The following SGCZ variants were observed in gnomAD, a reference collection of about 807,000 sequenced individuals.
SGCZ encodes the protein zeta-sarcoglycan.
SGCZ carries 40 observed loss-of-function variants against 41.3 expected under a neutral mutation model. The ratio of observed to expected loss-of-function variants is 0.97; its 90% CI spans 0.75 to 1.26. SGCZ has a LOEUF of 1.26. Among genes scored for constraint, SGCZ ranks in the 50% most tolerant of loss-of-function variants. SGCZ has a pLI of 0.00. For missense variants in SGCZ, 552 were observed against 369.8 expected, an observed-to-expected ratio of 1.49 and a Z score of -4.04; for synonymous variants, 206 against 137.5, an observed-to-expected ratio of 1.50 and a Z score of -3.49.
At chr8:14,968,965 A>C (rs939903459) in intron 1 of SGCZ, among the ~76,000 whole-genome samples, 1 of 152,154 alleles carries the variant, frequency 6.6e-6, no homozygotes, top group Admixed American at 6.5e-5. Flanking sequence ...AAGTGTAAAA[A>C]AGCATTTTCT....
intron 2 of SGCZ, among the ~76,000 whole-genome samples, chr8:14,530,712 G>A (rs1182857300): frequency 6.6e-6 from 1 of 152,070 alleles, no homozygotes; most frequent in African/African-American, 2.4e-5. Context: ...GCCTGGCACA[G>A]TAGTGCTTGC....
At chr8:15,114,454 T>C (rs1047398883) in intron 1 of SGCZ, among the ~76,000 whole-genome samples, 1 of 152,232 alleles carries the variant, frequency 6.6e-6, no homozygotes, top group African/African-American at 2.4e-5. Context: ...GCATTCTCTC[T>C]TTACAAATGT....
intron 2 of SGCZ, among the ~76,000 whole-genome samples, chr8:14,494,043 A>G (rs1801919806): frequency 6.6e-6 from 1 of 152,204 alleles, no homozygotes; most frequent in Non-Finnish European, 1.5e-5. Context: ...CTACCCATTC[A>G]TCTCTTAAAA....
rs149635517 is a variant in SGCZ, at chr8:14,766,962, A to C, written c.40-212036T>G. Among the ~76,000 whole-genome samples the C allele has an allele frequency of 2.9e-3, 449 of 152,226 alleles. 3 individuals are homozygous for C. Among genetic ancestry groups the C allele is most frequent in the African/African-American group, 9.8e-3 (406 of 41,540 alleles). The stretch of plus-strand genomic sequence containing the variant: ...GTACAGAGAAGCCTAATAGAAACTA[A>C]ATGTTTTGAAAAACATATAAATTCT... On this transcript the variant is annotated intron_variant, in intron 1 of 7. Coordinates refer to ENST00000382080, the MANE Select transcript of SGCZ (RefSeq NM_139167.4).
At chr8:15,083,057 C>CATT (rs1426984945) in intron 1 of SGCZ, among the ~76,000 whole-genome samples, 1 of 152,036 alleles carries the variant, frequency 6.6e-6, no homozygotes, top group African/African-American at 2.4e-5. Context: ...AGCTTATGAA[C>CATT]TAATAGTCGT....
At chr8:14,201,319 G>T (rs773261476) in intron 4 of SGCZ, among the ~76,000 whole-genome samples, 3 of 152,116 alleles carry the variant, frequency 2.0e-5, no homozygotes, top group Non-Finnish European at 4.4e-5. Context: ...AAGCCTGTAT[G>T]CATAAGCTTC....
intron 1 of SGCZ, among the ~76,000 whole-genome samples, chr8:14,989,381 G>T (rs1801931488): frequency 6.6e-6 from 1 of 152,110 alleles, no homozygotes; most frequent in African/African-American, 2.4e-5. Flanking sequence ...AGCTACTCAG[G>T]AGGCTGAGGT....
chr8:15,178,819 G>T (rs1800073983), intron 1 of SGCZ, among the ~76,000 whole-genome samples: 1 of 152,056 alleles, frequency 6.6e-6, no homozygotes, highest in Non-Finnish European at 1.5e-5. Context: ...ACTAGACGAA[G>T]GCAAACAAGT....
In SGCZ at chr8:14,837,072, T is replaced by C. The variant is rs932533150; in HGVS notation, c.40-282146A>G. Among the ~76,000 whole-genome samples, 3 of 152,342 alleles carry C rather than the reference T, an allele frequency of 2.0e-5. No homozygotes were observed. The East Asian group carries it at 5.8e-4, about 29-fold the overall frequency. On this transcript the variant is annotated intron_variant, in intron 1 of 7. Transcript: ENST00000382080. The stretch of plus-strand genomic sequence containing the variant: ...CTAAAGCCCTAAATTTAAATACCTG[T>C]AGCTCTTACAATTTGCCAGACACAA...
At chr8:15,028,665 A>T (rs1803544838) in intron 1 of SGCZ, among the ~76,000 whole-genome samples, 1 of 152,108 alleles carries the variant, frequency 6.6e-6, no homozygotes, top group Non-Finnish European at 1.5e-5. Context: ...CCTGAAAATG[A>T]TAGAAATGCT....
intron 4 of SGCZ, among the ~76,000 whole-genome samples, chr8:14,232,023 G>C (rs1279034985): frequency 6.6e-6 from 1 of 151,754 alleles, no homozygotes; most frequent in Non-Finnish European, 1.5e-5. Context: ...TCACAACATG[G>C]ATGCTATTAT....
chr8:14,608,864 AG>A (rs936195475), intron 1 of SGCZ, among the ~76,000 whole-genome samples: 27 of 152,194 alleles, frequency 1.8e-4, no homozygotes, highest in African/African-American at 6.3e-4. Context: ...GACAAAAAAA[AG>A]GTCCAACTTT....
intron 2 of SGCZ, among the ~76,000 whole-genome samples, chr8:14,346,643 A>G (rs1438017759): frequency 2.0e-5 from 3 of 152,110 alleles, no homozygotes; most frequent in African/African-American, 7.2e-5. Flanking sequence ...TCACATGGAA[A>G]GTTTTACAAT....
intron 1 of SGCZ, among the ~76,000 whole-genome samples, chr8:14,876,367 T>G (rs1030904337): frequency 6.6e-6 from 1 of 152,136 alleles, no homozygotes; most frequent in African/African-American, 2.4e-5. Context: ...AAGAAGACAT[T>G]CATAGCTGTA....
chr8:15,206,308 G>A (rs913068502), intron 1 of SGCZ, among the ~76,000 whole-genome samples: 3 of 152,120 alleles, frequency 2.0e-5, no homozygotes. Context: ...GTTGTGAGCA[G>A]TACAAAGGGG....
At chr8:14,292,193 G>A (rs1395177747) in intron 3 of SGCZ, among the ~76,000 whole-genome samples, 2 of 151,978 alleles carry the variant, frequency 1.3e-5, no homozygotes, top group African/African-American at 4.8e-5. Flanking sequence ...ATAAATAACA[G>A]ACTATGGCTT....
intron 2 of SGCZ, among the ~76,000 whole-genome samples, chr8:14,446,448 A>G (rs560731301): frequency 6.6e-6 from 1 of 152,328 alleles, no homozygotes; most frequent in African/African-American, 2.4e-5. Context: ...TCCAAATGAC[A>G]ATTCTCTGAT....
chr8:15,118,053 T>C (rs1191795658), intron 1 of SGCZ, among the ~76,000 whole-genome samples: 1 of 152,236 alleles, frequency 6.6e-6, no homozygotes, highest in African/African-American at 2.4e-5. Context: ...GCAGTTCGTC[T>C]TCTTGCTTCA....
chr8:15,232,669 GTGTGTGTATA>G, intron 1 of SGCZ, among the ~76,000 whole-genome samples: 1 of 113,746 alleles, frequency 8.8e-6, no homozygotes, highest in East Asian at 2.3e-4. Flanking sequence ...ACATATATAT[GTGTGTGTATA>G]TATATATATA....
Sources: allele counts gnomAD v4.1 joint callset (sites outside exome capture counted in the v4.1 genomes callset), GRCh38; gene constraint gnomAD v4.1.1; transcripts MANE v1.5; gene names NCBI Gene and HGNC (gene_info 2026-07-23, HGNC 2026-07-21).